The following NR3C1 variants were observed in gnomAD, a reference collection of about 807,000 sequenced individuals.
The protein encoded by NR3C1 is nuclear receptor subfamily 3 group C member 1, also known as glucocorticoid receptor.
Under a neutral mutation model 74.0 loss-of-function variants are expected in NR3C1, and 14 were observed. The ratio of observed to expected loss-of-function variants is 0.19; its 90% CI spans 0.12 to 0.30. NR3C1 has a LOEUF of 0.30. Ranked by LOEUF, NR3C1 falls within the 10% of genes least tolerant of loss-of-function variation. NR3C1 has a pLI of 1.00. For missense variants in NR3C1, 695 were observed against 909.8 expected, an observed-to-expected ratio of 0.76 and a Z score of 3.04; for synonymous variants, 308 against 332.5, an observed-to-expected ratio of 0.93 and a Z score of 0.80.
intron 7 of NR3C1, chr5:143,295,123 G>A: frequency 1.0e-6 from 1 of 985,240 alleles, no homozygotes; most frequent in Non-Finnish European, 1.2e-6. Flanking sequence ...TAACAGTGTA[G>A]TGGACAAAAT....
chr5:143,376,052 T>C (rs915345892), intron 2 of NR3C1, among the ~76,000 whole-genome samples: 1 of 152,144 alleles, frequency 6.6e-6, no homozygotes, highest in African/African-American at 2.4e-5. Context: ...TCCCTGAAAT[T>C]AGATCTATGC....
At chr5:143,354,794 A>ACG (rs1830834273) in intron 2 of NR3C1, among the ~76,000 whole-genome samples, 1 of 151,922 alleles carries the variant, frequency 6.6e-6, no homozygotes, top group Admixed American at 6.6e-5. Context: ...GTGGTGGCAC[A>ACG]CGCCTGTAGG....
At chr5:143,347,333 C>T (rs1389440683) in intron 2 of NR3C1, among the ~76,000 whole-genome samples, 1 of 152,156 alleles carries the variant, frequency 6.6e-6, no homozygotes, top group African/African-American at 2.4e-5. Context: ...GTGAAACACA[C>T]ACAGACACAC....
At chr5:143,376,101 T>C (rs1197207222) in intron 2 of NR3C1, among the ~76,000 whole-genome samples, 2 of 152,178 alleles carry the variant, frequency 1.3e-5, no homozygotes, top group African/African-American at 4.8e-5. Context: ...GGAAAATTTT[T>C]ACCCATCAGA....
chr5:143,376,706 T>G (rs1016696224), intron 2 of NR3C1, among the ~76,000 whole-genome samples: 2 of 152,168 alleles, frequency 1.3e-5, no homozygotes, highest in African/African-American at 2.4e-5. Flanking sequence ...ACTCAGACTC[T>G]TGGGTTCTGA....
intron 2 of NR3C1, among the ~76,000 whole-genome samples, chr5:143,377,382 G>C (rs948907173): frequency 3.9e-5 from 6 of 152,156 alleles, no homozygotes; most frequent in Non-Finnish European, 8.8e-5. Context: ...GATGATACTT[G>C]ACCCAGAGGA....
In NR3C1 at chr5:143,400,740, T is replaced by C. The variant is rs1285746796; in HGVS notation, c.100A>G (p.Arg34Gly). The C allele has an allele frequency of 6.2e-7, 1 of 1,614,196 alleles. No homozygotes were observed. Among genetic ancestry groups the C allele is most frequent in the Non-Finnish European group, 8.5e-7 (1 of 1,180,034 alleles). ...GAAACCTTCACAGTAGCTCCTCCTC[T>C]TAGGGTTTTATAGAAGTCCATCACA... is the stretch of plus-strand genomic sequence containing the variant. Reference protein sequence around the residue: ...GDVMDFYKTLRGGATVKVSAS... With the variant: ...GDVMDFYKTLGGGATVKVSAS... Residue 34 changes from arginine to glycine, a missense_variant, in exon 2 of 9, where the codon AGA becomes GGA. By Grantham distance (125) the Arg-to-Gly change is moderately radical. Transcript: ENST00000394464.
Position 143,399,767 on chromosome 5 carries a change from G to A in NR3C1, c.1073C>T (p.Pro358Leu), listed in dbSNP as rs1196755435. ...KPIFNVIPPI[P>L]VGSENWNRCQ... ...CCTATTCCAATTTTCGGAACCAACG[G>A]GAATTGGTGGAATGACATTAAAAAT... The change falls in exon 2 of 9, where the codon CCC becomes CTC. Residue 358 changes from proline to leucine, a missense_variant. Pro to Leu is a moderately conservative substitution (Grantham distance 98). Transcript: ENST00000394464. The A allele has an allele frequency of 6.2e-7, 1 of 1,614,176 alleles. No homozygotes were observed. The highest frequency in any genetic ancestry group is 8.5e-7 in the Non-Finnish European group (1 of 1,180,022).
chr5:143,403,866 C>T, upstream of NR3C1: 1 of 977,364 alleles, frequency 1.0e-6, no homozygotes, highest in Non-Finnish European at 1.2e-6. Context: ...CACCCCGGCC[C>T]CGACGGCGCC....
upstream of NR3C1, chr5:143,404,466 G>C (rs890052661): frequency 1.8e-4 from 173 of 985,076 alleles, no homozygotes; most frequent in Non-Finnish European, 2.0e-4. Context: ...CCGCGCTCTC[G>C]CACTGGGAGA....
At chr5:143,387,730 G>C (rs897652050) in intron 2 of NR3C1, among the ~76,000 whole-genome samples, 4 of 152,134 alleles carry the variant, frequency 2.6e-5, no homozygotes, top group African/African-American at 9.7e-5. Flanking sequence ...TAGTAGAAGA[G>C]ATGAACTTAT....
chr5:143,365,314 G>C (rs561943938), intron 2 of NR3C1, among the ~76,000 whole-genome samples: 1 of 152,180 alleles, frequency 6.6e-6, no homozygotes, highest in South Asian at 2.1e-4. Context: ...TTAGACTCAA[G>C]AACACAAATA....
intron 7 of NR3C1, chr5:143,293,861 ATTCTT>A: frequency 1.1e-6 from 1 of 944,856 alleles, no homozygotes; most frequent in Non-Finnish European, 1.3e-6. Flanking sequence ...AATTGAAACC[ATTCTT>A]TTTTTTTTTT....
chr5:143,375,550 C>T (rs1474526991), intron 2 of NR3C1: 7 of 152,174 alleles, frequency 4.6e-5, no homozygotes, highest in African/African-American at 1.2e-4. Flanking sequence ...TTCGTATGTA[C>T]GCATATCACA....
chr5:143,390,556 A>G (rs1471697526), intron 2 of NR3C1, among the ~76,000 whole-genome samples: 6 of 152,186 alleles, frequency 3.9e-5, no homozygotes, highest in African/African-American at 1.4e-4. Flanking sequence ...TTAGAGGTGA[A>G]TAGTCTCTAT....
At chr5:143,398,632 C>A (rs1839692866) in intron 2 of NR3C1, among the ~76,000 whole-genome samples, 1 of 151,938 alleles carries the variant, frequency 6.6e-6, no homozygotes, top group African/African-American at 2.4e-5. Flanking sequence ...TTTAAAAAAA[C>A]CCGCTGATTA....
chr5:143,424,343 A>G lies in NR3C1; in HGVS notation c.-14+10189T>C, dbSNP rs557862388. On this transcript the variant is annotated intron_variant, in intron 1 of 8. Coordinates refer to the NR3C1 transcript ENST00000343796. ...TACAGTTAACAAAAATTTATTGTAT[A>G]TTTCAAAATAACTAAGAGTGGAATT... 9.9e-5 allele frequency among the ~76,000 whole-genome samples: 15 copies of G among 152,268 alleles called. No homozygotes were observed. In the South Asian group the frequency reaches 3.1e-3, roughly 32 times the overall value.
At chr5:143,347,881 T>C (rs954150214) in intron 2 of NR3C1, among the ~76,000 whole-genome samples, 1 of 152,242 alleles carries the variant, frequency 6.6e-6, no homozygotes, top group South Asian at 2.1e-4. Context: ...CTCCACATTC[T>C]GTGCCCAGTC....
At chr5:143,298,521 A>G (rs1293543193) in intron 6 of NR3C1, 147 bp downstream of exon 6, 13 of 803,500 alleles carry the variant, frequency 1.6e-5, no homozygotes, top group Non-Finnish European at 2.5e-5. Flanking sequence ...CCAAGCACTC[A>G]TAACTCTATT....
Sources: allele counts gnomAD v4.1 joint callset (sites outside exome capture counted in the v4.1 genomes callset), GRCh38; gene constraint gnomAD v4.1.1; transcripts MANE v1.5; gene names NCBI Gene and HGNC (gene_info 2026-07-23, HGNC 2026-07-21).